The following LDHC variants were observed in gnomAD, a reference collection of about 807,000 sequenced individuals.
LDHC encodes L-lactate dehydrogenase C chain.
Under a neutral mutation model 30.2 loss-of-function variants are expected in LDHC, and 20 were observed. The observed-to-expected ratio is 0.66, with a 90% confidence interval of 0.47 to 0.96. LDHC has a LOEUF of 0.96. Ranked by LOEUF, LDHC falls within the 40% of genes least tolerant of loss-of-function variation. The probability of loss-of-function intolerance (pLI) is 0.00; values close to 1 mark genes in which losing one functional copy is unlikely to be tolerated. For missense variants in LDHC, 362 were observed against 394.9 expected (o/e 0.92, Z 0.71); for synonymous variants, 139 against 132.7 (o/e 1.05, Z -0.32).
rs959206749 is a variant in LDHC at position 18,412,846 on chromosome 11, G to A, written c.126+3G>A. 6 of 1,612,030 alleles carry A rather than the reference G, an allele frequency of 3.7e-6. No individual in the cohort carries two copies. The highest frequency in any genetic ancestry group is 2.2e-5 in the East Asian group (1 of 44,868). Reference sequence around the variant, plus strand: ...GTGCTATTAGTATCTTACTGAAGGTGAGTGAGAAGCCCATCCTGTGGCTGA... The same window carrying A: ...GTGCTATTAGTATCTTACTGAAGGTAAGTGAGAAGCCCATCCTGTGGCTGA... On this transcript the variant is annotated splice_donor_region_variant and intron_variant, in intron 2 of 7. Transcript: ENST00000541669.
intron 3 of LDHC, among the ~76,000 whole-genome samples, chr11:18,419,524 A>C (rs1370731339): frequency 6.6e-6 from 1 of 152,190 alleles, no homozygotes; most frequent in Non-Finnish European, 1.5e-5. Flanking sequence ...GAGGAAACTC[A>C]CTTTATTTCA....
At position 18,424,825 on chromosome 11, in the gene LDHC, T is replaced by G. The variant is rs1360276750; in HGVS notation, c.245-4912T>G. Among the ~76,000 whole-genome samples the G allele has an allele frequency of 2.0e-5, 3 of 152,168 alleles. No individual in the cohort carries two copies. The East Asian group carries it at 5.8e-4, about 29-fold the overall frequency. ...GAGTTCCAGACCAGCCTGGCCACCATGGCGAAACCCTGTCTCTACTAAAAA... is the reference window on the plus strand; with the variant it reads ...GAGTTCCAGACCAGCCTGGCCACCAGGGCGAAACCCTGTCTCTACTAAAAA... On this transcript the variant is annotated intron_variant, in intron 3 of 7. Transcript: ENST00000541669.
chr11:18,426,064 G>A (rs11024651), intron 3 of LDHC, among the ~76,000 whole-genome samples: 7,616 of 151,252 alleles, frequency 0.05, 432 homozygotes, highest in East Asian at 0.32. Flanking sequence ...TTTAGAGATG[G>A]CTGTTCATGG....
At chr11:18,427,427 G>T (rs992079696) in intron 3 of LDHC, among the ~76,000 whole-genome samples, 5 of 152,104 alleles carry the variant, frequency 3.3e-5, no homozygotes, top group Non-Finnish European at 5.9e-5. Context: ...ATGAGGAAGT[G>T]AGAGTTAGAG....
intron 6 of LDHC, among the ~76,000 whole-genome samples, chr11:18,439,869 G>A (rs1194243734): frequency 6.8e-6 from 1 of 147,100 alleles, no homozygotes; most frequent in African/African-American, 2.5e-5. Context: ...GTGCGTGCCT[G>A]TAATCCCAGC....
chr11:18,437,055 A>G (rs1216701796), intron 5 of LDHC, among the ~76,000 whole-genome samples: 1 of 152,096 alleles, frequency 6.6e-6, no homozygotes, highest in African/African-American at 2.4e-5. Flanking sequence ...CCTGAACTCT[A>G]TCCTGTTGGT....
chr11:18,433,279 G>T, intron 4 of LDHC, among the ~76,000 whole-genome samples: 1 of 152,092 alleles, frequency 6.6e-6, no homozygotes, highest in Non-Finnish European at 1.5e-5. Context: ...CCAGCTACTC[G>T]GTAGGCTGAG....
intron 5 of LDHC, among the ~76,000 whole-genome samples, chr11:18,436,433 T>A (rs1252550131): frequency 6.6e-6 from 1 of 151,888 alleles, no homozygotes; most frequent in Middle Eastern, 3.2e-3. Context: ...ACATTCATAC[T>A]TGACCTCAGA....
intron 4 of LDHC, 109 bp downstream of exon 4, chr11:18,430,019 G>A (rs964961914): frequency 1.1e-5 from 7 of 657,002 alleles, no homozygotes; most frequent in South Asian, 4.9e-5. Flanking sequence ...AATTGCACTC[G>A]TTTAAAGTAT....
chr11:18,446,086 T>C, intron 6 of LDHC, 124 bp from the exon 7 acceptor site: 1 of 773,438 alleles, frequency 1.3e-6, no homozygotes, highest in Non-Finnish European at 2.1e-6. Flanking sequence ...AAGAAATCTA[T>C]GGGAAAATTC....
chr11:18,448,230 T>C (rs185937412), intron 7 of LDHC, among the ~76,000 whole-genome samples: 123 of 152,024 alleles, frequency 8.1e-4, no homozygotes, highest in Admixed American at 3.0e-3. Flanking sequence ...CTGAGTAATA[T>C]GGGAATTTAA....
chr11:18,448,048 C>CAAAA (rs1218910663), intron 7 of LDHC, among the ~76,000 whole-genome samples: 1 of 76,472 alleles, frequency 1.3e-5, no homozygotes, highest in Non-Finnish European at 2.6e-5. Flanking sequence ...GACTCTGTCT[C>CAAAA]AAAAAAAAAA....
intron 5 of LDHC, among the ~76,000 whole-genome samples, chr11:18,438,072 C>T (rs953224340): frequency 4.6e-5 from 7 of 151,828 alleles, no homozygotes; most frequent in Non-Finnish European, 8.8e-5. Context: ...AAAAGAAATA[C>T]CTGAGGCTGA....
intron 3 of LDHC, among the ~76,000 whole-genome samples, chr11:18,417,575 T>C (rs532312249): frequency 1.3e-5 from 2 of 152,220 alleles, no homozygotes; most frequent in South Asian, 4.1e-4. Flanking sequence ...TAAGAAATTA[T>C]TATTTGTAGA....
At chr11:18,415,436 A>G (rs889837627) in intron 3 of LDHC, 135 bp downstream of exon 3, 9 of 564,086 alleles carry the variant, frequency 1.6e-5, no homozygotes, top group African/African-American at 1.5e-4. Flanking sequence ...TAGTTGATCA[A>G]TTTTTTTTGT....
intron 2 of LDHC, among the ~76,000 whole-genome samples, chr11:18,414,720 C>T (rs1016263233): frequency 5.3e-5 from 8 of 152,096 alleles, no homozygotes; most frequent in South Asian, 2.1e-4. Flanking sequence ...CCCAGCTACT[C>T]GGGAGGCTGA....
intron 5 of LDHC, among the ~76,000 whole-genome samples, chr11:18,436,481 G>GTTTTTTT (rs35976847): frequency 1.4e-4 from 15 of 108,198 alleles, no homozygotes; most frequent in Admixed American, 3.7e-4. Context: ...ATAATACAAA[G>GTTTTTTT]TTTTTTTTTT....
Position 18,438,658 on chromosome 11 carries a change from A to G in LDHC, c.710+13A>G. The G allele has an allele frequency of 7.3e-7, 1 of 1,379,152 alleles. No homozygotes were observed. The highest frequency in any genetic ancestry group is 1.2e-5 in the South Asian group (1 of 85,810). 85.4% of individuals were successfully genotyped at this position (1,379,152 alleles called of 1,614,324 possible). A position where few individuals can be genotyped will look rare whatever the true frequency, so the allele number is the denominator to read the frequency against. Reference sequence around the variant, plus strand: ...AAGTTATTCAAAGGTAATAGTACCTATTCAGTTTCTTAATGCCTTAATAGT... The same window carrying G: ...AAGTTATTCAAAGGTAATAGTACCTGTTCAGTTTCTTAATGCCTTAATAGT... On this transcript the variant is annotated intron_variant, in intron 6 of 7. Transcript: ENST00000541669.
At chr11:18,449,222 AGAGAGG>A (rs964818543) in intron 7 of LDHC, among the ~76,000 whole-genome samples, 3 of 152,026 alleles carry the variant, frequency 2.0e-5, no homozygotes, top group Admixed American at 6.6e-5. Flanking sequence ...ATCAAGGATC[AGAGAGG>A]GAGTTGGAGA....
Sources: gnomAD v4.1 joint callset for allele counts (sites outside exome capture counted in the v4.1 genomes callset) on GRCh38, gnomAD v4.1.1 for gene constraint, MANE v1.5 for transcripts, NCBI Gene and HGNC (gene_info 2026-07-23, HGNC 2026-07-21) for gene names.